SKAP1: variants seen among roughly 807,000 people sequenced by gnomAD.
The protein encoded by SKAP1 is src kinase-associated phosphoprotein 1.
Under a neutral mutation model 58.5 loss-of-function variants are expected in SKAP1, and 44 were observed. That is an observed-to-expected ratio of 0.75 (90% CI 0.59 to 0.97). The LOEUF (loss-of-function observed/expected upper bound fraction) is 0.97, where lower values mean the gene tolerates loss of function less well. Ranked by LOEUF, SKAP1 falls within the 50% of genes least tolerant of loss-of-function variation. The pLI is 0.00. For synonymous variants in SKAP1, 127 were observed against 149.7 expected (o/e 0.85, Z 1.11); for missense variants, 390 against 435.2 (o/e 0.90, Z 0.92).
intron 10 of SKAP1, among the ~76,000 whole-genome samples, chr17:48,165,212 C>T (rs952906497): frequency 6.6e-6 from 1 of 152,066 alleles, no homozygotes; most frequent in Non-Finnish European, 1.5e-5. Context: ...GTGTTAAAGA[C>T]CTTGAAGAGG....
intron 4 of SKAP1, among the ~76,000 whole-genome samples, chr17:48,225,214 T>C (rs2065054017): frequency 6.6e-6 from 1 of 152,188 alleles, no homozygotes; most frequent in African/African-American, 2.4e-5. Flanking sequence ...AGTTAACGGC[T>C]GTCCCATAGA....
chr17:48,264,939 G>C (rs186506299), intron 4 of SKAP1, among the ~76,000 whole-genome samples: 1 of 152,118 alleles, frequency 6.6e-6, no homozygotes, highest in Non-Finnish European at 1.5e-5. Context: ...GCTGAAGTCT[G>C]AATCACAAAT....
intron 4 of SKAP1, among the ~76,000 whole-genome samples, chr17:48,292,893 G>A (rs1041154093): frequency 2.0e-5 from 3 of 152,210 alleles, no homozygotes; most frequent in African/African-American, 7.2e-5. Context: ...GGATTTTGAA[G>A]AGGATTGTCA....
chr17:48,224,088 A>AGAAG (rs2065040508), intron 4 of SKAP1, among the ~76,000 whole-genome samples: 2 of 59,018 alleles, frequency 3.4e-5, no homozygotes, highest in African/African-American at 7.3e-5. Flanking sequence ...AGGAGGAGGA[A>AGAAG]GAGGAGGAGG....
chr17:48,198,410 G>A (rs1303030155), intron 4 of SKAP1, among the ~76,000 whole-genome samples: 1 of 126,544 alleles, frequency 7.9e-6, no homozygotes, highest in East Asian at 2.8e-4. Flanking sequence ...AGCCGAGATG[G>A]CGCCACTGCA....
In SKAP1 at chr17:48,306,732, ACAC is replaced by A. The variant is rs557335931; in HGVS notation, c.280+39170_280+39172del. On this transcript the variant is annotated intron_variant, in intron 4 of 12. Coordinates refer to ENST00000336915, the MANE Select transcript of SKAP1 (RefSeq NM_003726.4). Reference sequence around the variant, plus strand: ...ATTTCAATTTTAGAATGAATCAATAACACCTTTAGACTACCATCAAGATTGTGA... The same window carrying A: ...ATTTCAATTTTAGAATGAATCAATAACTTTAGACTACCATCAAGATTGTGA... Among the ~76,000 whole-genome samples the A allele has an allele frequency of 3.6e-3, 552 of 152,354 alleles. 3 individuals are homozygous for A. The highest frequency in any genetic ancestry group is 0.01 in the Middle Eastern group (3 of 294).
intron 3 of SKAP1, among the ~76,000 whole-genome samples, chr17:48,357,527 G>T (rs924352104): frequency 2.2e-4 from 34 of 152,028 alleles, no homozygotes; most frequent in African/African-American, 7.7e-4. Context: ...CTGCTCGGGA[G>T]GCTGAGGCAG....
chr17:48,220,882 A>AG (rs1431143680), intron 4 of SKAP1, among the ~76,000 whole-genome samples: 2 of 103,296 alleles, frequency 1.9e-5, no homozygotes, highest in African/African-American at 5.7e-5. Flanking sequence ...AAAAAAGAAA[A>AG]GAAAAAAAAA....
chr17:48,309,574 A>AAT (rs1402161769), intron 4 of SKAP1, among the ~76,000 whole-genome samples: 2 of 151,768 alleles, frequency 1.3e-5, no homozygotes, highest in Admixed American at 1.3e-4. Context: ...CACAGATATA[A>AAT]ATATATACAT....
At chr17:48,277,306 T>C (rs2065712785) in intron 4 of SKAP1, among the ~76,000 whole-genome samples, 2 of 152,354 alleles carry the variant, frequency 1.3e-5, no homozygotes, top group Non-Finnish European at 2.9e-5. Context: ...CCTAGAAAAC[T>C]AGATATTTCA....
Position 48,329,119 on chromosome 17 carries a change from G to T in SKAP1, c.280+16786C>A, listed in dbSNP as rs201974462. On this transcript the variant is annotated intron_variant, in intron 4 of 12. Transcript: ENST00000336915. ...AAAATGCAAATATTATAGACCATTT[G>T]CATCACTACAGAAAGTTCTATTGGA... Among the ~76,000 whole-genome samples the T allele has an allele frequency of 7.4e-4, 112 of 152,288 alleles. 5 individuals are homozygous for T. In the East Asian group the frequency reaches 0.019, roughly 26 times the overall value.
At chr17:48,314,162 CAAA>C (rs1413664070) in intron 4 of SKAP1, among the ~76,000 whole-genome samples, 1 of 152,102 alleles carries the variant, frequency 6.6e-6, no homozygotes, top group African/African-American at 2.4e-5. Context: ...AAAGAGTAAA[CAAA>C]GAAGAAATTG....
chr17:48,424,333 C>G (rs921534539), intron 1 of SKAP1, among the ~76,000 whole-genome samples: 2 of 146,920 alleles, frequency 1.4e-5, no homozygotes, highest in African/African-American at 5.0e-5. Context: ...TCACACCATT[C>G]TCCTGCCTCA....
At chr17:48,414,588 CTGTTA>C (rs1342816154) in intron 1 of SKAP1, among the ~76,000 whole-genome samples, 63 of 152,246 alleles carry the variant, frequency 4.1e-4, no homozygotes, top group Admixed American at 3.3e-3. Context: ...ATGCATCTTT[CTGTTA>C]TAATTCATAG....
At chr17:48,430,360 C>A, upstream of SKAP1, 1 of 238,252 alleles carries the variant, frequency 4.2e-6, no homozygotes, top group Non-Finnish European at 8.0e-6. Context: ...GCCGGAGCCC[C>A]ACGGTAGAAG....
chr17:48,135,486 T>C (rs1278770125), intron 12 of SKAP1, among the ~76,000 whole-genome samples: 1 of 152,174 alleles, frequency 6.6e-6, no homozygotes, highest in Non-Finnish European at 1.5e-5. Context: ...CCTATTCTTT[T>C]TCTTTTTTTG....
At chr17:48,199,776 G>A (rs373440619) in intron 4 of SKAP1, among the ~76,000 whole-genome samples, 1 of 152,224 alleles carries the variant, frequency 6.6e-6, no homozygotes, top group Non-Finnish European at 1.5e-5. Flanking sequence ...GTGGACCTGG[G>A]TACAAGGCAA....
upstream of SKAP1, among the ~76,000 whole-genome samples, chr17:48,433,418 G>C (rs1472912117): frequency 6.6e-6 from 1 of 152,192 alleles, no homozygotes; most frequent in Non-Finnish European, 1.5e-5. Context: ...TGTCATGGAA[G>C]AAAGCAGCCA....
chr17:48,346,004 C>A lies in SKAP1; in HGVS notation c.181G>T (p.Gly61Ter), dbSNP rs866976111. 1.3e-6 allele frequency: 2 copies of A among 1,587,244 alleles called. No individual in the cohort carries two copies. Among genetic ancestry groups the A allele is most frequent in the East Asian group, 2.3e-5 (1 of 43,958 alleles). ...RYYWDFQPQG[G>*]DIGQDSSDDN... Reference sequence around the variant, plus strand: ...TCAGAGCTGTCCTGTCCAATGTCTCCCCCTGAGGGACAAAAAAGACAGAAA... The same window carrying A: ...TCAGAGCTGTCCTGTCCAATGTCTCACCCTGAGGGACAAAAAAGACAGAAA... The change falls in exon 4 of 13, where the codon GGA becomes TGA. Residue 61 changes from glycine to a stop codon, truncating the protein, a stop_gained and splice_region_variant. Transcript: ENST00000336915. LOFTEE classifies it high-confidence loss of function.
Sources: allele counts gnomAD v4.1 joint callset (sites outside exome capture counted in the v4.1 genomes callset), GRCh38; gene constraint gnomAD v4.1.1; transcripts MANE v1.5; gene names NCBI Gene and HGNC (gene_info 2026-07-23, HGNC 2026-07-21).